Variants in EIF4G3 observed in about 807,000 individuals in gnomAD.
EIF4G3 encodes the protein eIF-4-gamma 3.
EIF4G3 carries 34 observed loss-of-function variants against 186.4 expected under a neutral mutation model. The observed-to-expected ratio is 0.18, with a 90% CI of 0.14 to 0.24. The LOEUF is 0.24. EIF4G3 is among the 10% of genes least tolerant of loss of function. The pLI is 1.00. For synonymous variants in EIF4G3, 673 were observed against 679.5 expected, an observed-to-expected ratio of 0.99 and a Z score of 0.15; for missense variants, 1,536 against 1,948.5, an observed-to-expected ratio of 0.79 and a Z score of 3.99.
intron 2 of EIF4G3, among the ~76,000 whole-genome samples, chr1:21,141,395 G>GTA (rs1425373777): frequency 1.4e-5 from 2 of 147,480 alleles, no homozygotes; most frequent in Non-Finnish European, 3.0e-5. Context: ...GTGTGTGTGT[G>GTA]TGTATGTGTA....
chr1:20,879,336 C>T lies in EIF4G3; in HGVS notation c.2609G>A (p.Arg870Gln). The T allele has an allele frequency of 2.5e-6, 4 of 1,597,142 alleles. No homozygotes were observed. Among genetic ancestry groups the T allele is most frequent in the Non-Finnish European group, 3.4e-6 (4 of 1,172,108 alleles). The change falls in exon 20 of 37, where the codon CGA becomes CAA. Residue 870 changes from arginine to glutamine, a missense_variant. Arg to Gln is a conservative substitution (Grantham distance 43). Around this residue, in one of 11 missense-constraint regions of EIF4G3, gnomAD observed 77 missense variants for 131.6 expected, o/e 0.59. Transcript: ENST00000602326. Reference sequence around the variant, plus strand: ...CTCTCTTCTTACCGTTACTAGACATCGACACATGTTTGCGTAAGCCACAGA... The same window carrying T: ...CTCTCTTCTTACCGTTACTAGACATTGACACATGTTTGCGTAAGCCACAGA... ...SFSVAYANMC[R>Q]CLVTLKVPMA...
At chr1:20,970,587 TGG>T (rs1039118947) in intron 11 of EIF4G3, among the ~76,000 whole-genome samples, 2 of 151,968 alleles carry the variant, frequency 1.3e-5, no homozygotes, top group African/African-American at 4.8e-5. Flanking sequence ...CACTCCAGCC[TGG>T]GCGACAGGGC....
At chr1:20,955,066 G>A (rs2096368791) in intron 12 of EIF4G3, among the ~76,000 whole-genome samples, 1 of 152,144 alleles carries the variant, frequency 6.6e-6, no homozygotes, top group African/African-American at 2.4e-5. Context: ...AAGGTAAGAG[G>A]GATGCAGAAA....
chr1:20,821,254 C>T (rs933986744), intron 33 of EIF4G3, among the ~76,000 whole-genome samples: 1 of 152,188 alleles, frequency 6.6e-6, no homozygotes, highest in African/African-American at 2.4e-5. Flanking sequence ...GACACAACCC[C>T]AATCCTTGGA....
intron 34 of EIF4G3, among the ~76,000 whole-genome samples, chr1:20,814,370 G>C (rs1026949382): frequency 1.3e-5 from 2 of 152,282 alleles, no homozygotes; most frequent in Middle Eastern, 3.4e-3. Flanking sequence ...TGAATTAGCA[G>C]TATTTACTTT....
At chr1:21,140,527 G>T (rs1421862882) in intron 2 of EIF4G3, among the ~76,000 whole-genome samples, 1 of 152,192 alleles carries the variant, frequency 6.6e-6, no homozygotes, top group Non-Finnish European at 1.5e-5. Flanking sequence ...TGCCCAGACT[G>T]GTCTTGAACT....
chr1:21,141,414 TA>T (rs1413557243), intron 2 of EIF4G3, among the ~76,000 whole-genome samples: 189 of 129,868 alleles, frequency 1.5e-3, no homozygotes, highest in Non-Finnish European at 1.8e-3. Flanking sequence ...TAGTTCTATG[TA>T]AAAAAAAAAA....
At chr1:21,066,134 C>T (rs540161339) in intron 3 of EIF4G3, among the ~76,000 whole-genome samples, 2 of 151,812 alleles carry the variant, frequency 1.3e-5, no homozygotes, top group East Asian at 3.9e-4. Context: ...GGCAACAGAG[C>T]GAGACTCTGT....
intron 14 of EIF4G3, among the ~76,000 whole-genome samples, chr1:20,917,826 G>A (rs1248576329): frequency 6.6e-6 from 1 of 152,066 alleles, no homozygotes; most frequent in East Asian, 1.9e-4. Flanking sequence ...TAAAATATTA[G>A]CATTTCCATA....
intron 18 of EIF4G3, among the ~76,000 whole-genome samples, chr1:20,887,907 T>C (rs1486766555): frequency 2.0e-5 from 3 of 152,224 alleles, no homozygotes; most frequent in Non-Finnish European, 1.5e-5. Flanking sequence ...TGTTGACTTA[T>C]ATGGATTAAT....
At chr1:20,920,669 G>C (rs2094418222) in intron 14 of EIF4G3, among the ~76,000 whole-genome samples, 1 of 152,102 alleles carries the variant, frequency 6.6e-6, no homozygotes, top group African/African-American at 2.4e-5. Context: ...CTTTCTTACT[G>C]ATCAGAAGCT....
At chr1:20,891,846 T>C (rs2086206989) in intron 18 of EIF4G3, among the ~76,000 whole-genome samples, 2 of 151,948 alleles carry the variant, frequency 1.3e-5, no homozygotes, top group African/African-American at 4.8e-5. Flanking sequence ...TAAGACTTTC[T>C]GGTGAGGTAA....
At chr1:21,096,015 T>C (rs2096360461) in intron 2 of EIF4G3, among the ~76,000 whole-genome samples, 1 of 152,168 alleles carries the variant, frequency 6.6e-6, no homozygotes, top group South Asian at 2.1e-4. Flanking sequence ...TTAACAGTGT[T>C]TTCTAATGCC....
At chr1:20,870,055 A>G (rs1355220940) in intron 20 of EIF4G3, among the ~76,000 whole-genome samples, 4 of 151,374 alleles carry the variant, frequency 2.6e-5, no homozygotes, top group Admixed American at 1.3e-4. Context: ...TTATGAAAGT[A>G]TAAGTCATCT....
intron 24 of EIF4G3, among the ~76,000 whole-genome samples, chr1:20,858,426 T>G (rs1215383591): frequency 6.6e-6 from 1 of 152,158 alleles, no homozygotes; most frequent in African/African-American, 2.4e-5. Flanking sequence ...GATTTCCACA[T>G]GATTTAACAC....
chr1:21,176,785 C>T lies in EIF4G3; in HGVS notation c.-519G>A, dbSNP rs1012993478. On this transcript the variant is annotated 5_prime_UTR_variant, in exon 1 of 37. Coordinates refer to ENST00000602326, the MANE Select transcript of EIF4G3 (RefSeq NM_001391906.1). ...TCTTTATCCCCCTCCCCGGAGGAAG[C>T]GGCGCCCTTCTCGGTAGCGGGGCTC... 1.1e-5 allele frequency: 8 copies of T among 699,964 alleles called. No individual in the cohort carries two copies. The highest frequency in any genetic ancestry group is 5.9e-5 in the South Asian group (4 of 67,556). 43.4% of individuals were successfully genotyped at this position (699,964 alleles called of 1,614,324 possible). A position where few individuals can be genotyped will look rare whatever the true frequency, so the allele number is the denominator to read the frequency against.
chr1:21,105,420 C>T (rs1266969466), intron 2 of EIF4G3, among the ~76,000 whole-genome samples: 2 of 150,020 alleles, frequency 1.3e-5, no homozygotes, highest in African/African-American at 4.9e-5. Flanking sequence ...ACGAGTGAAA[C>T]TCCGTCTTAA....
chr1:20,984,854 C>T (rs1357219829), intron 7 of EIF4G3, among the ~76,000 whole-genome samples: 2 of 152,162 alleles, frequency 1.3e-5, no homozygotes, highest in East Asian at 1.9e-4. Flanking sequence ...TCCCAAAGTG[C>T]TGGGATTACA....
chr1:21,060,869 CTTTG>C (rs368468492), intron 3 of EIF4G3, among the ~76,000 whole-genome samples: 31 of 151,158 alleles, frequency 2.1e-4, no homozygotes, highest in African/African-American at 5.8e-4. Context: ...TAACAAGATA[CTTTG>C]TTTGAGCAGG....
Sources: allele counts gnomAD v4.1 joint callset (sites outside exome capture counted in the v4.1 genomes callset), GRCh38; gene constraint gnomAD v4.1.1; regional missense constraint gnomAD v4.1.1; transcripts MANE v1.5; gene names NCBI Gene and HGNC (gene_info 2026-07-23, HGNC 2026-07-21).